Variants in DPM1 observed in about 807,000 individuals in gnomAD.
The protein encoded by DPM1 is dolichyl-phosphate mannosyltransferase subunit 1, catalytic.
A neutral mutation model predicts 39.0 loss-of-function variants in DPM1; 27 were observed. The ratio of observed to expected loss-of-function variants is 0.69; its 90% CI spans 0.51 to 0.95. The LOEUF is 0.95. Ranked by LOEUF, DPM1 falls within the 40% of genes least tolerant of loss-of-function variation. The pLI is 0.00. For synonymous variants in DPM1, 124 were observed against 109.0 expected (o/e 1.14, Z -0.86); for missense variants, 307 against 315.6 (o/e 0.97, Z 0.21).
rs201392536 is a variant in DPM1, at chr20:50,958,502, G to C, written c.22C>G (p.Arg8Gly). ...TCCCGCCGAGACCTGCGAGGACTACGACTGACTTCCAAGGAGGCCATGGCG... is the reference window on the plus strand; with the variant it reads ...TCCCGCCGAGACCTGCGAGGACTACCACTGACTTCCAAGGAGGCCATGGCG... MASLEVS[R>G]SPRRSRRELE... Residue 8 changes from arginine to glycine, a missense_variant, in exon 1 of 9, where the codon CGT (arginine) becomes GGT (glycine). Arg to Gly is a moderately radical substitution (Grantham distance 125, BLOSUM62 -2). Transcript: ENST00000371588. 57 of 1,613,654 alleles carry C rather than the reference G, an allele frequency of 3.5e-5. No individual in the cohort carries two copies. The East Asian group carries it at 5.1e-4, about 15-fold the overall frequency.
Position 50,935,215 on chromosome 20 carries a change from G to T in DPM1, c.700C>A (p.Arg234Ser). 6.2e-7 allele frequency: 1 copy of T among 1,603,632 alleles called. No homozygotes were observed. The highest frequency in any genetic ancestry group is 1.1e-5 in the South Asian group (1 of 90,494). The change falls in exon 9 of 9, where the codon CGT becomes AGT. Residue 234 changes from arginine (R) to serine (S), a missense_variant. Transcript: ENST00000371588. The stretch of plus-strand genomic sequence containing the variant: ...CCCAACTTGGATTCACCATAAACAC[G>T]ATCCACAAATGATATTGGAACCTAG... ...IGEVPISFVD[R>S]VYGESKLGGN...
chr20:50,941,995 T>C, intron 6 of DPM1, 36 bp downstream of exon 6: 1 of 1,524,218 alleles, frequency 6.6e-7, no homozygotes, highest in South Asian at 1.1e-5. Context: ...TTTCCAGTAG[T>C]TATACTAATA....
intron 5 of DPM1, among the ~76,000 whole-genome samples, chr20:50,943,355 T>A (rs1986022727): frequency 2.6e-5 from 4 of 151,698 alleles, no homozygotes. Flanking sequence ...AATAAACTTT[T>A]TTTGTTTTGT....
At chr20:50,943,773 T>C (rs1412339003) in intron 5 of DPM1, among the ~76,000 whole-genome samples, 3 of 145,982 alleles carry the variant, frequency 2.1e-5, no homozygotes, top group African/African-American at 7.7e-5. Context: ...GGAGTCTCGC[T>C]CTGTCGCCCA....
At chr20:50,941,115 G>T in intron 6 of DPM1, 182 bp from the exon 7 acceptor site, 1 of 689,628 alleles carries the variant, frequency 1.5e-6, no homozygotes, top group Non-Finnish European at 2.4e-6. Context: ...CTGGCTAGGC[G>T]CGGTGGCTCA....
intron 6 of DPM1, among the ~76,000 whole-genome samples, chr20:50,941,560 T>C: frequency 6.6e-6 from 1 of 151,384 alleles, no homozygotes; most frequent in African/African-American, 2.4e-5. Flanking sequence ...AAACAAAAAT[T>C]AGCCAGGCAT....
intron 2 of DPM1, among the ~76,000 whole-genome samples, chr20:50,950,623 C>T (rs1011731280): frequency 3.9e-5 from 6 of 152,110 alleles, no homozygotes; most frequent in African/African-American, 1.4e-4. Context: ...AATCCCAGCA[C>T]TTTGGGAGGC....
chr20:50,939,120 A>G (rs1985480058), intron 7 of DPM1, among the ~76,000 whole-genome samples: 1 of 152,104 alleles, frequency 6.6e-6, no homozygotes, highest in African/African-American at 2.4e-5. Flanking sequence ...TTCAACCCCC[A>G]TCCCCTCCAC....
At chr20:50,957,733 A>G (rs1267042457) in intron 1 of DPM1, among the ~76,000 whole-genome samples, 1 of 152,250 alleles carries the variant, frequency 6.6e-6, no homozygotes, top group Non-Finnish European at 1.5e-5. Context: ...GTGCAATCGT[A>G]AAACAAGTTA....
At chr20:50,949,569 C>T (rs1408536482) in intron 2 of DPM1, among the ~76,000 whole-genome samples, 4 of 152,068 alleles carry the variant, frequency 2.6e-5, no homozygotes, top group African/African-American at 9.7e-5. Flanking sequence ...TTTAGTTTTT[C>T]CTTTTGGCTG....
intron 2 of DPM1, among the ~76,000 whole-genome samples, chr20:50,948,873 T>C (rs1986430122): frequency 1.3e-5 from 2 of 152,182 alleles, no homozygotes; most frequent in Non-Finnish European, 1.5e-5. Context: ...AACATTTTTT[T>C]TTTTTGAGAT....
chr20:50,938,847 C>T (rs962444393), intron 7 of DPM1, among the ~76,000 whole-genome samples: 28 of 151,632 alleles, frequency 1.8e-4, no homozygotes, highest in African/African-American at 6.3e-4. Flanking sequence ...GGCATGGTGG[C>T]GCACGCCTGT....
At position 50,940,881 on chromosome 20, in the gene DPM1, A is replaced by C. The variant is rs1985669668; in HGVS notation, c.547T>G (p.Leu183Val). The change falls in exon 7 of 9, where the codon TTA (leucine) becomes GTA (valine). Residue 183 changes from leucine (L) to valine (V), a missense_variant. By Grantham distance (32) the Leu-to-Val change is conservative. Around this residue, in one of 3 missense-constraint regions of DPM1, gnomAD observed 31 missense variants for 58.0 expected, o/e 0.53. Transcript: ENST00000371588. ...TCACTGTACCTGAAACTTCCTGTTA[A>C]ATCAGATGCTCCTGGTCTCAGCAAG... ...QILLRPGASD[L>V]TGSFRLYRKE... 1.2e-6 allele frequency: 2 copies of C among 1,614,038 alleles called. No homozygotes were observed. The highest frequency in any genetic ancestry group is 2.7e-5 in the African/African-American group (2 of 75,042).
At chr20:50,949,634 A>G (rs1220554101) in intron 2 of DPM1, among the ~76,000 whole-genome samples, 1 of 152,174 alleles carries the variant, frequency 6.6e-6, no homozygotes, top group African/African-American at 2.4e-5. Flanking sequence ...TTTCTGAGGT[A>G]TGGGGTTCAG....
At position 50,936,053 on chromosome 20, in the gene DPM1, G is replaced by A; in HGVS notation, c.678+95C>T. On this transcript the variant is annotated intron_variant, in intron 8 of 8. Transcript: ENST00000371588. ...ACAACTAGAAGACCTCCACAATTTA[G>A]CAGTTATGAAAGTTAAACTTTTTAT... 5 of 839,678 alleles carry A rather than the reference G, an allele frequency of 6.0e-6. No individual in the cohort carries two copies. In the South Asian group the frequency reaches 7.1e-5, roughly 12 times the overall value. The allele number at this position is 839,678 out of a possible 1,614,324, so 52.0% of individuals were successfully genotyped here.
chr20:50,946,842 T>C (rs6096200), intron 3 of DPM1, among the ~76,000 whole-genome samples: 68,203 of 151,790 alleles, frequency 0.45, 16,582 homozygotes, highest in African/African-American at 0.66. Context: ...GAGGCTGAGA[T>C]GGGTGGATCA....
chr20:50,936,007 C>T (rs1985128207), intron 8 of DPM1, 141 bp downstream of exon 8: 1 of 665,600 alleles, frequency 1.5e-6, no homozygotes, highest in African/African-American at 1.8e-5. Context: ...AATTTTTACC[C>T]TTTGTGCATG....
chr20:50,940,344 G>A (rs1483325534), intron 7 of DPM1, among the ~76,000 whole-genome samples: 1 of 151,606 alleles, frequency 6.6e-6, no homozygotes, highest in Non-Finnish European at 1.5e-5. Flanking sequence ...GTCACACAAA[G>A]CAGCTCACAT....
intron 5 of DPM1, chr20:50,944,578 A>C (rs969088338): frequency 2.6e-5 from 4 of 152,238 alleles, no homozygotes; most frequent in Non-Finnish European, 4.4e-5. Flanking sequence ...GGGGCCAACA[A>C]ACACATAGGG....
Sources: gnomAD v4.1 joint callset for allele counts (sites outside exome capture counted in the v4.1 genomes callset) on GRCh38, gnomAD v4.1.1 for gene constraint, gnomAD v4.1.1 regional missense constraint, MANE v1.5 for transcripts, NCBI Gene and HGNC (gene_info 2026-07-23, HGNC 2026-07-21) for gene names.